KIF26B: variants seen among roughly 807,000 people sequenced by gnomAD.
KIF26B encodes the protein kinesin-like protein KIF26B.
A neutral mutation model predicts 151.2 loss-of-function variants in KIF26B; 63 were observed. That is an observed-to-expected ratio of 0.42 (90% CI 0.34 to 0.51). The LOEUF is 0.51. Ranked by LOEUF, KIF26B falls within the 20% of genes least tolerant of loss-of-function variation. The probability of loss-of-function intolerance (pLI) is 0.07; values close to 1 mark genes in which losing one functional copy is unlikely to be tolerated. For synonymous variants in KIF26B, 1,357 were observed against 1,262.1 expected (o/e 1.08, Z -1.59); for missense variants, 2,813 against 2,913.6 (o/e 0.97, Z 0.79).
intron 2 of KIF26B, among the ~76,000 whole-genome samples, chr1:245,204,935 C>G (rs1002006153): frequency 7.2e-5 from 11 of 151,946 alleles, no homozygotes; most frequent in Admixed American, 6.6e-4. Flanking sequence ...TGCACACCAC[C>G]ATTCCTGGCT....
intron 2 of KIF26B, among the ~76,000 whole-genome samples, chr1:245,240,627 T>C (rs768164230): frequency 7.9e-5 from 12 of 152,216 alleles, no homozygotes; most frequent in Non-Finnish European, 1.5e-4. Context: ...TCGTGATATA[T>C]TAACATTTTT....
intron 2 of KIF26B, among the ~76,000 whole-genome samples, chr1:245,293,967 T>A (rs1272393480): frequency 1.3e-5 from 2 of 152,220 alleles, no homozygotes; most frequent in African/African-American, 2.4e-5. Flanking sequence ...TCAATATGAA[T>A]AAGTCTTTGA....
intron 2 of KIF26B, among the ~76,000 whole-genome samples, chr1:245,321,786 C>T (rs1558388223): frequency 6.6e-6 from 1 of 152,214 alleles, no homozygotes; most frequent in Non-Finnish European, 1.5e-5. Flanking sequence ...CAGGCCATGC[C>T]AGTTCGCTCA....
Position 245,477,265 on chromosome 1 carries a change from T to A in KIF26B, c.1166+57520T>A, listed in dbSNP as rs10737772. On this transcript the variant is annotated intron_variant, in intron 4 of 14. Coordinates refer to ENST00000407071, the MANE Select transcript of KIF26B (RefSeq NM_018012.4). ...GGCTTAGAAAGCATATTTTTGAAGC[T>A]CAAGACAGAAAATTCATTTGTTTGT... 6.0e-4 allele frequency among the ~76,000 whole-genome samples: 91 copies of A among 151,710 alleles called. 3 individuals carry two copies. In the South Asian group the frequency reaches 0.013, roughly 22 times the overall value.
chr1:245,188,485 GAC>G (rs1156688311), intron 2 of KIF26B, among the ~76,000 whole-genome samples: 1 of 152,042 alleles, frequency 6.6e-6, no homozygotes, highest in Non-Finnish European at 1.5e-5. Flanking sequence ...AATTCAGAGA[GAC>G]ATTTCAACTT....
intron 2 of KIF26B, among the ~76,000 whole-genome samples, chr1:245,159,535 T>C (rs1380567779): frequency 1.3e-5 from 2 of 152,346 alleles, no homozygotes; most frequent in Non-Finnish European, 2.9e-5. Flanking sequence ...TAGAGAAAGA[T>C]ATGAGGGTTG....
chr1:245,515,415 C>A (rs1283808069), intron 4 of KIF26B, among the ~76,000 whole-genome samples: 1 of 152,118 alleles, frequency 6.6e-6, no homozygotes, highest in Admixed American at 6.5e-5. Flanking sequence ...CAAGACCGGG[C>A]AGCACTCAAT....
chr1:245,402,641 A>G (rs547812361), intron 3 of KIF26B, among the ~76,000 whole-genome samples: 4 of 152,346 alleles, frequency 2.6e-5, no homozygotes, highest in East Asian at 1.9e-4. Context: ...GACAATAGCA[A>G]GAAATATTTT....
At chr1:245,578,301 C>T (rs1482601467) in intron 5 of KIF26B, among the ~76,000 whole-genome samples, 1 of 152,250 alleles carries the variant, frequency 6.6e-6, no homozygotes, top group Admixed American at 6.5e-5. Context: ...CTCCATGAGC[C>T]TCATACAGTG....
At chr1:245,203,041 T>A (rs1261132131) in intron 2 of KIF26B, among the ~76,000 whole-genome samples, 1 of 150,970 alleles carries the variant, frequency 6.6e-6, no homozygotes, top group Admixed American at 6.6e-5. Flanking sequence ...GATCATGAGG[T>A]CAGGAGTTTG....
chr1:245,370,757 G>T (rs2103012325), intron 3 of KIF26B: 1 of 395,192 alleles, frequency 2.5e-6, no homozygotes. Flanking sequence ...GGCCGATTAG[G>T]GATTATTTGT....
At chr1:245,662,303 C>G in intron 10 of KIF26B, among the ~76,000 whole-genome samples, 1 of 148,286 alleles carries the variant, frequency 6.7e-6, no homozygotes, top group South Asian at 2.1e-4. Context: ...CTCACACACA[C>G]CCTATATATA....
At chr1:245,365,700 C>T (rs980056705) in intron 2 of KIF26B, among the ~76,000 whole-genome samples, 7 of 152,164 alleles carry the variant, frequency 4.6e-5, no homozygotes, top group African/African-American at 1.7e-4. Flanking sequence ...CGTAGTAGCC[C>T]TGTTCATATA....
At chr1:245,168,521 G>T (rs1403954863) in intron 2 of KIF26B, among the ~76,000 whole-genome samples, 1 of 152,210 alleles carries the variant, frequency 6.6e-6, no homozygotes, top group Non-Finnish European at 1.5e-5. Flanking sequence ...TATTGCCTTA[G>T]AAATAAGGAT....
At position 245,684,411 on chromosome 1, in the gene KIF26B, G is replaced by T; in HGVS notation, c.2421+16G>T. 6.4e-7 allele frequency: 1 copy of T among 1,566,080 alleles called. No homozygotes were observed. The highest frequency in any genetic ancestry group is 1.9e-5 in the Admixed American group (1 of 53,726). Reference sequence around the variant, plus strand: ...GAAGACGAAGGTAAGGAGCTCGCGGGGTGGGGGGGTGGTGGATGAGGGAGC... The same window carrying T: ...GAAGACGAAGGTAAGGAGCTCGCGGTGTGGGGGGGTGGTGGATGAGGGAGC... On this transcript the variant is annotated intron_variant, in intron 11 of 14. Transcript: ENST00000407071.
intron 3 of KIF26B, among the ~76,000 whole-genome samples, chr1:245,394,912 G>A (rs998592210): frequency 1.3e-5 from 2 of 151,920 alleles, no homozygotes; most frequent in Non-Finnish European, 1.5e-5. Flanking sequence ...GGCTGGTTTC[G>A]AACTCCTGAC....
rs1487014351 is a variant in KIF26B at position 245,705,322 on chromosome 1, A to G, written c.*2716A>G. ...AAGCTGCAAACATGTTAATTTACCA[A>G]TATTGATAAACCACATGAAGAAATC... On this transcript the variant is annotated 3_prime_UTR_variant, in exon 15 of 15. Transcript: ENST00000407071. The G allele has an allele frequency of 6.6e-6, 1 of 152,162 alleles. No individual in the cohort carries two copies. Among genetic ancestry groups the G allele is most frequent in the Non-Finnish European group, 1.5e-5 (1 of 68,044 alleles). The allele number at this position is 152,162 out of a possible 1,614,324, so 9.4% of individuals were successfully genotyped here.
chr1:245,423,054 C>T (rs532563598), intron 4 of KIF26B, among the ~76,000 whole-genome samples: 84 of 147,444 alleles, frequency 5.7e-4, no homozygotes, highest in Non-Finnish European at 1.0e-3. Context: ...GCCGAGATGG[C>T]GCCACTGCAC....
Position 245,294,901 on chromosome 1 carries a change from G to A in KIF26B, c.466-71933G>A, listed in dbSNP as rs192003407. Among the ~76,000 whole-genome samples, 195 of 152,274 alleles carry A rather than the reference G, an allele frequency of 1.3e-3. 2 individuals carry two copies. Among genetic ancestry groups the A allele is most frequent in the African/African-American group, 4.6e-3 (190 of 41,556 alleles). ...TGGTCTCGAACTCCTGATCTCAAGT[G>A]ATCCACCTGCCTCGGCCTCCCAAAG... On this transcript the variant is annotated intron_variant, in intron 2 of 14. Coordinates refer to ENST00000407071, the MANE Select transcript of KIF26B (RefSeq NM_018012.4).
Sources: gnomAD v4.1 joint callset for allele counts (sites outside exome capture counted in the v4.1 genomes callset) on GRCh38, gnomAD v4.1.1 for gene constraint, MANE v1.5 for transcripts, NCBI Gene and HGNC (gene_info 2026-07-23, HGNC 2026-07-21) for gene names.